RPE: variants seen among roughly 807,000 people sequenced by gnomAD.
RPE encodes ribulose-phosphate 3-epimerase.
A neutral mutation model predicts 24.6 loss-of-function variants in RPE; 16 were observed. That is an observed-to-expected ratio of 0.65 (90% CI 0.44 to 0.99). The LOEUF (loss-of-function observed/expected upper bound fraction) is 0.99. Ranked by LOEUF, RPE falls within the 50% of genes least tolerant of loss-of-function variation. The probability of loss-of-function intolerance (pLI) is 0.00; values close to 1 mark genes in which losing one functional copy is unlikely to be tolerated. For missense variants in RPE, 240 were observed against 294.5 expected (o/e 0.81, Z 1.35); for synonymous variants, 93 against 98.4 (o/e 0.94, Z 0.33).
Position 210,020,557 on chromosome 2 carries a change from G to A in RPE, c.*766G>A, listed in dbSNP as rs570483458. ...TTTAACAAATCACCCAATCTTTTTT[G>A]TGTTTCTCTAAAGTCATTTATACAT... On this transcript the variant is annotated 3_prime_UTR_variant, in exon 6 of 6. Coordinates refer to ENST00000359429, the MANE Select transcript of RPE (RefSeq NM_199229.3). 3.6e-5 allele frequency: 6 copies of A among 166,790 alleles called. No homozygotes were observed. In the South Asian group the frequency reaches 1.2e-3, roughly 35 times the overall value. The allele number at this position is 166,790 out of a possible 1,614,324, so 10.3% of individuals were successfully genotyped here. A position where few individuals can be genotyped will look rare whatever the true frequency, so the allele number is the denominator to read the frequency against.
intron 2 of RPE, 46 bp downstream of exon 2, chr2:210,009,782 A>G: frequency 6.2e-7 from 1 of 1,611,716 alleles, no homozygotes; most frequent in South Asian, 1.1e-5. Flanking sequence ...TTGCTCAAGT[A>G]AAGGAAAACT....
intron 5 of RPE, chr2:210,018,037 G>A (rs1383306662): frequency 1.6e-5 from 17 of 1,085,320 alleles, no homozygotes; most frequent in South Asian, 8.0e-5. Flanking sequence ...GAGCCATGGC[G>A]TCTGGCCCGT....
At chr2:210,018,500 C>A (rs892708482) in intron 5 of RPE, 6 of 983,832 alleles carry the variant, frequency 6.1e-6, no homozygotes, top group South Asian at 4.7e-5. Context: ...GACTGCTTTT[C>A]TTCCACAGTG....
intron 1 of RPE, among the ~76,000 whole-genome samples, chr2:210,007,390 A>C (rs2093644639): frequency 6.6e-6 from 1 of 152,178 alleles, no homozygotes; most frequent in Non-Finnish European, 1.5e-5. Flanking sequence ...ACCAAGTGGC[A>C]ATTGCAGTCA....
At position 210,016,591 on chromosome 2, in the gene RPE, G is replaced by A; in HGVS notation, c.427G>A (p.Val143Met). 6.2e-7 allele frequency: 1 copy of A among 1,614,244 alleles called. No individual in the cohort carries two copies. Among genetic ancestry groups the A allele is most frequent in the South Asian group, 1.1e-5 (1 of 91,088 alleles). ...NQIDMALVMT[V>M]EPGFGGQKFM... ...GATAGATATGGCCTTGGTTATGACA[G>A]TGGAACCGGGGTTTGGAGGGCAGAA... is the stretch of plus-strand genomic sequence containing the variant. Residue 143 changes from valine (V) to methionine (M), a missense_variant, in exon 4 of 6, where the codon GTG becomes ATG. Coordinates refer to ENST00000359429, the MANE Select transcript of RPE (RefSeq NM_199229.3).
At chr2:210,009,109 C>T (rs1302290208) in intron 1 of RPE, among the ~76,000 whole-genome samples, 4 of 152,116 alleles carry the variant, frequency 2.6e-5, no homozygotes, top group Admixed American at 6.5e-5. Flanking sequence ...GTAAGGCTGT[C>T]GTGAAGATGA....
chr2:210,019,198 G>A (rs1319847051), intron 5 of RPE, among the ~76,000 whole-genome samples: 2 of 152,144 alleles, frequency 1.3e-5, no homozygotes, highest in Non-Finnish European at 2.9e-5. Context: ...ACACAAAAAC[G>A]AGAACTCACT....
intron 4 of RPE, among the ~76,000 whole-genome samples, chr2:210,017,083 G>A (rs2093782755): frequency 6.6e-6 from 1 of 152,098 alleles, no homozygotes; most frequent in African/African-American, 2.4e-5. Flanking sequence ...GGCTTAAGCT[G>A]TCCTCCCACC....
chr2:210,005,762 A>G (rs2093622999), intron 1 of RPE, among the ~76,000 whole-genome samples: 2 of 152,198 alleles, frequency 1.3e-5, no homozygotes, highest in South Asian at 4.1e-4. Context: ...CCCTTTCCCT[A>G]TCTGCTCTGT....
chr2:210,005,037 C>G (rs997911927), intron 1 of RPE, among the ~76,000 whole-genome samples: 1 of 152,166 alleles, frequency 6.6e-6, no homozygotes, highest in Non-Finnish European at 1.5e-5. Flanking sequence ...TTTCTATTCC[C>G]CTTTTGCAAA....
chr2:210,002,687 C>T lies in RPE; in HGVS notation c.26C>T (p.Pro9Leu), dbSNP rs375765096. The change falls in exon 1 of 6, where the codon CCG becomes CTG. Residue 9 changes from proline to leucine, a missense_variant. Physicochemically the swap from Pro to Leu is moderately conservative, Grantham distance 98 (BLOSUM62 -3). Transcript: ENST00000359429. Reference sequence around the variant, plus strand: ...ATGGCGTCGGGCTGCAAGATTGGCCCGTCCATCCTCAACAGCGACCTGGCC... The same window carrying T: ...ATGGCGTCGGGCTGCAAGATTGGCCTGTCCATCCTCAACAGCGACCTGGCC... Reference protein sequence around the residue: MASGCKIGPSILNSDLANL... With the variant: MASGCKIGLSILNSDLANL... The T allele has an allele frequency of 2.4e-5, 39 of 1,613,912 alleles. No individual in the cohort carries two copies. Among genetic ancestry groups the T allele is most frequent in the Admixed American group, 1.0e-4 (6 of 59,988 alleles).
intron 2 of RPE, among the ~76,000 whole-genome samples, chr2:210,015,038 G>C (rs1280782432): frequency 6.6e-6 from 1 of 152,112 alleles, no homozygotes; most frequent in Non-Finnish European, 1.5e-5. Context: ...ATGAATATCA[G>C]GTTTCTTGCA....
At chr2:210,017,781 G>A in intron 5 of RPE, 1 of 460,598 alleles carries the variant, frequency 2.2e-6, no homozygotes. Context: ...GTCTCTCTTT[G>A]TGGCCCAGAT....
In RPE at chr2:210,002,766, C is replaced by G. The variant is rs1382015382; in HGVS notation, c.105C>G (p.His35Gln). Residue 35 changes from histidine to glutamine, a missense_variant, in exon 1 of 6, where the codon CAC becomes CAG. By Grantham distance (24) the His-to-Gln change is conservative (BLOSUM62 0). Transcript: ENST00000359429. Reference sequence around the variant, plus strand: ...TAGACTCTGGGGCCGATTATCTGCACCTGGACGTAATGGACGGGTAACTCC... The same window carrying G: ...TAGACTCTGGGGCCGATTATCTGCAGCTGGACGTAATGGACGGGTAACTCC... ...RMLDSGADYL[H>Q]LDVMDGHFVP... 5 of 1,614,186 alleles carry G rather than the reference C, an allele frequency of 3.1e-6. No homozygotes were observed. The highest frequency in any genetic ancestry group is 4.2e-6 in the Non-Finnish European group (5 of 1,180,030).
chr2:210,017,910 A>T (rs2093800619), intron 5 of RPE: 2 of 534,938 alleles, frequency 3.7e-6, no homozygotes, highest in Non-Finnish European at 6.6e-6. Flanking sequence ...ATGCTTGGCT[A>T]ATTTTTTTAT....
chr2:210,007,709 A>G (rs1465311781), intron 1 of RPE, among the ~76,000 whole-genome samples: 1 of 152,162 alleles, frequency 6.6e-6, no homozygotes, highest in Non-Finnish European at 1.5e-5. Flanking sequence ...ACGTTCTCTA[A>G]TACTTGCTCT....
rs1380716503 is a variant in RPE, at chr2:210,019,988, C to G, written c.*197C>G. On this transcript the variant is annotated 3_prime_UTR_variant, in exon 6 of 6. Coordinates refer to ENST00000359429, the MANE Select transcript of RPE (RefSeq NM_199229.3). ...GTGTATAACTACATTTTTAGTGATGCAATTTATTGATTAGTGAGTAAGATA... is the reference window on the plus strand; with the variant it reads ...GTGTATAACTACATTTTTAGTGATGGAATTTATTGATTAGTGAGTAAGATA... 1.9e-6 allele frequency: 1 copy of G among 525,516 alleles called. No homozygotes were observed. Among genetic ancestry groups the G allele is most frequent in the African/African-American group, 2.0e-5 (1 of 50,926 alleles). The allele number at this position is 525,516 out of a possible 1,614,324, so 32.6% of individuals were successfully genotyped here.
At chr2:210,009,774 G>A (rs1228607158) in intron 2 of RPE, 38 bp downstream of exon 2, 1 of 1,613,174 alleles carries the variant, frequency 6.2e-7, no homozygotes, top group East Asian at 2.2e-5. Flanking sequence ...TGGATGTGTT[G>A]CTCAAGTAAA....
intron 1 of RPE, among the ~76,000 whole-genome samples, chr2:210,007,612 A>G (rs1269151280): frequency 6.6e-6 from 1 of 152,118 alleles, no homozygotes; most frequent in Non-Finnish European, 1.5e-5. Flanking sequence ...TAACTTGCTT[A>G]TTTCTGCTTT....
Sources: gnomAD v4.1 joint callset for allele counts (sites outside exome capture counted in the v4.1 genomes callset) on GRCh38, gnomAD v4.1.1 for gene constraint, MANE v1.5 for transcripts, NCBI Gene and HGNC (gene_info 2026-07-23, HGNC 2026-07-21) for gene names.